FBXO11: variants seen among roughly 807,000 people sequenced by gnomAD.
FBXO11 encodes F-box only protein 11.
Under a neutral mutation model 117.0 loss-of-function variants are expected in FBXO11, and 13 were observed. The ratio of observed to expected loss-of-function variants is 0.11; its 90% CI spans 0.07 to 0.18. The LOEUF is 0.18. Among genes scored for constraint, FBXO11 ranks in the 10% least tolerant of loss-of-function variants. The probability of loss-of-function intolerance (pLI) is 1.00; values close to 1 mark genes in which losing one functional copy is unlikely to be tolerated. For synonymous variants in FBXO11, 490 were observed against 380.5 expected, an observed-to-expected ratio of 1.29 and a Z score of -3.35; for missense variants, 767 against 1,164.4, an observed-to-expected ratio of 0.66 and a Z score of 4.97.
chr2:47,856,341 A>G (rs1011919959), intron 1 of FBXO11, among the ~76,000 whole-genome samples: 1 of 152,260 alleles, frequency 6.6e-6, no homozygotes, highest in African/African-American at 2.4e-5. Flanking sequence ...AGCAAAACTA[A>G]GGTGTAAACA....
At chr2:47,820,289 A>G in intron 14 of FBXO11, 73 bp downstream of exon 14, 2 of 1,168,512 alleles carry the variant, frequency 1.7e-6, no homozygotes, top group Non-Finnish European at 1.2e-6. Flanking sequence ...CCTACCTAAA[A>G]GCTTGAGGAG....
intron 1 of FBXO11, among the ~76,000 whole-genome samples, chr2:47,871,186 A>G (rs1346436252): frequency 6.6e-6 from 1 of 152,198 alleles, no homozygotes; most frequent in African/African-American, 2.4e-5. Flanking sequence ...GCTCTCTTCG[A>G]TTACTTGCTC....
intron 1 of FBXO11, among the ~76,000 whole-genome samples, chr2:47,887,935 T>C (rs1572908645): frequency 6.6e-6 from 1 of 152,162 alleles, no homozygotes; most frequent in East Asian, 1.9e-4. Context: ...GAATGATCTC[T>C]TGAGCCTAGC....
At chr2:47,860,334 GGCTA>G (rs1486057791) in intron 1 of FBXO11, among the ~76,000 whole-genome samples, 1 of 152,084 alleles carries the variant, frequency 6.6e-6, no homozygotes, top group South Asian at 2.1e-4. Flanking sequence ...TATTTCACAT[GGCTA>G]GCTAATAAAT....
intron 1 of FBXO11, among the ~76,000 whole-genome samples, chr2:47,903,162 T>C (rs377570770): frequency 1.3e-5 from 2 of 152,182 alleles, no homozygotes; most frequent in African/African-American, 4.8e-5. Flanking sequence ...TTTCAAAGAA[T>C]AACATATTTT....
chr2:47,903,308 G>A (rs545839470), intron 1 of FBXO11, among the ~76,000 whole-genome samples: 5 of 152,186 alleles, frequency 3.3e-5, no homozygotes, highest in Admixed American at 3.3e-4. Context: ...TCTGCTCTGT[G>A]CCAACACAGA....
Position 47,838,985 on chromosome 2 carries a change from T to C in FBXO11, c.461A>G (p.Tyr154Cys), listed in dbSNP as rs1672807899. 1 of 1,613,834 alleles carries C rather than the reference T, an allele frequency of 6.2e-7. No individual in the cohort carries two copies. The highest frequency in any genetic ancestry group is 8.5e-7 in the Non-Finnish European group (1 of 1,179,880). Residue 154 changes from tyrosine (Y) to cysteine (C), a missense_variant, in exon 4 of 23, where the codon TAT becomes TGT. This residue lies in a region of FBXO11 where 355 missense variants were observed against 299.8 expected (regional missense o/e 1.18). Transcript: ENST00000403359. ...QDLSAAPAEQYLQEKLPDEVV... is the reference protein window; with the variant it reads ...QDLSAAPAEQCLQEKLPDEVV... Reference sequence around the variant, plus strand: ...TTCATCTGGCAGTTTCTCCTGAAGATACTGTTCAGCAGGTGCTGCTATAAA... The same window carrying C: ...TTCATCTGGCAGTTTCTCCTGAAGACACTGTTCAGCAGGTGCTGCTATAAA...
In FBXO11 at chr2:47,806,945, T is replaced by TAAAAATG; in HGVS notation, c.*1166_*1172dup. On this transcript the variant is annotated 3_prime_UTR_variant, in exon 23 of 23. Transcript: ENST00000403359. ...TTATGATCTAATAAACTTTATTTTTTAAAAATGACCATTTTTCCATTTTCT... is the reference window on the plus strand; with the variant it reads ...TTATGATCTAATAAACTTTATTTTTTAAAAATGAAAAATGACCATTTTTCCATTTTCT... 9.6e-7 allele frequency: 1 copy of TAAAAATG among 1,036,782 alleles called. No individual in the cohort carries two copies. Among genetic ancestry groups the TAAAAATG allele is most frequent in the Non-Finnish European group, 1.5e-6 (1 of 675,374 alleles). 64.2% of individuals were successfully genotyped at this position (1,036,782 alleles called of 1,614,324 possible).
chr2:47,809,589 C>A lies in FBXO11; in HGVS notation c.2446+11G>T. ...TGCATATATTTATAGGTATAGCAGA[C>A]TCCAACATACCTTTCATTGTCACAT... On this transcript the variant is annotated intron_variant, in intron 20 of 22. Transcript: ENST00000403359. The A allele has an allele frequency of 1.3e-6, 2 of 1,587,810 alleles. No homozygotes were observed. The highest frequency in any genetic ancestry group is 1.7e-6 in the Non-Finnish European group (2 of 1,157,564).
intron 1 of FBXO11, among the ~76,000 whole-genome samples, chr2:47,854,820 A>T (rs979118958): frequency 2.0e-5 from 3 of 151,506 alleles, no homozygotes; most frequent in African/African-American, 2.4e-5. Flanking sequence ...AAGTCTTTGA[A>T]TGCCAAGGTA....
At chr2:47,829,808 G>A (rs772300397) in intron 11 of FBXO11, among the ~76,000 whole-genome samples, 1 of 151,990 alleles carries the variant, frequency 6.6e-6, no homozygotes, top group Non-Finnish European at 1.5e-5. Context: ...GTGTAAAAAA[G>A]GTAGTAAAAC....
chr2:47,838,875 T>C lies in FBXO11; in HGVS notation c.571A>G (p.Asn191Asp), dbSNP rs1190653939. The C allele has an allele frequency of 1.2e-6, 2 of 1,613,664 alleles. No homozygotes were observed. The highest frequency in any genetic ancestry group is 1.7e-6 in the Non-Finnish European group (2 of 1,179,764). The change falls in exon 4 of 23, where the codon AAT (asparagine) becomes GAT (aspartate). Residue 191 changes from asparagine to aspartate, a missense_variant. Around this residue, in one of 10 missense-constraint regions of FBXO11, gnomAD observed 355 missense variants for 299.8 expected, o/e 1.18. Transcript: ENST00000403359. ...TTTACTTACCACAAAATTGGATCAT[T>C]AGCAAGTTCACTGAAGCGTTTACAT... ...CVCKRFSELA[N>D]DPILWKRLYM...
At chr2:47,895,678 A>G (rs772412936) in intron 1 of FBXO11, among the ~76,000 whole-genome samples, 2 of 152,202 alleles carry the variant, frequency 1.3e-5, no homozygotes, top group Non-Finnish European at 2.9e-5. Flanking sequence ...CACAATTTAA[A>G]TAACTATATA....
intron 1 of FBXO11, among the ~76,000 whole-genome samples, chr2:47,858,038 A>T (rs997198928): frequency 2.6e-5 from 4 of 152,208 alleles, no homozygotes; most frequent in Admixed American, 6.5e-5. Flanking sequence ...ATATCTTTTT[A>T]AAAAAATCAT....
chr2:47,839,280 G>A (rs1173916623), intron 3 of FBXO11, 139 bp downstream of exon 3: 1 of 821,478 alleles, frequency 1.2e-6, no homozygotes, highest in East Asian at 2.7e-5. Context: ...AGAGGTCAGG[G>A]TTCTAAAGTT....
At chr2:47,872,656 A>G (rs941807062) in intron 1 of FBXO11, among the ~76,000 whole-genome samples, 6 of 152,138 alleles carry the variant, frequency 3.9e-5, no homozygotes, top group Admixed American at 3.9e-4. Flanking sequence ...TTAAGACATT[A>G]TATTTTTTTG....
At chr2:47,818,471 C>T (rs1671159633) in intron 16 of FBXO11, 1 of 250,276 alleles carries the variant, frequency 4.0e-6, no homozygotes, top group African/African-American at 2.2e-5. Flanking sequence ...GCATAATGCA[C>T]AAGTATTTTA....
At chr2:47,900,553 TACACGTATATATAC>T (rs569767435) in intron 1 of FBXO11, among the ~76,000 whole-genome samples, 68 of 119,922 alleles carry the variant, frequency 5.7e-4, no homozygotes, top group African/African-American at 1.9e-3. Context: ...AAAAAGTATA[TACACGTATATATAC>T]ACACGTATAC....
At chr2:47,864,141 G>C (rs1675007540) in intron 1 of FBXO11, among the ~76,000 whole-genome samples, 1 of 152,110 alleles carries the variant, frequency 6.6e-6, no homozygotes, top group Non-Finnish European at 1.5e-5. Context: ...ACAGTTATAA[G>C]ACTAACATAA....
Sources: allele counts gnomAD v4.1 joint callset (sites outside exome capture counted in the v4.1 genomes callset), GRCh38; gene constraint gnomAD v4.1.1; regional missense constraint gnomAD v4.1.1; transcripts MANE v1.5; gene names NCBI Gene and HGNC (gene_info 2026-07-23, HGNC 2026-07-21).